FRMD6: variants seen among roughly 807,000 people sequenced by gnomAD.
FRMD6 encodes FERM domain containing 6.
In FRMD6, 37 loss-of-function variants were observed where a neutral mutation model predicts 73.2. That is an observed-to-expected ratio of 0.51 (90% CI 0.39 to 0.66). FRMD6 has a LOEUF of 0.66. Among genes scored for constraint, FRMD6 ranks in the 30% least tolerant of loss-of-function variants. The pLI is 0.00. For missense variants in FRMD6, 714 were observed against 780.5 expected (o/e 0.91, Z 1.02); for synonymous variants, 273 against 282.2 (o/e 0.97, Z 0.33).
the FRMD6 span, among the ~76,000 whole-genome samples, chr14:51,409,340 CTTTTTTTTT>C: frequency 1.8e-4 from 15 of 84,154 alleles, no homozygotes; most frequent in East Asian, 1.1e-3. Flanking sequence ...AAGTTTTTTG[CTTTTTTTTT>C]TTTTTTTTTT....
the FRMD6 span, among the ~76,000 whole-genome samples, chr14:51,481,174 A>C: frequency 6.6e-6 from 1 of 152,230 alleles, no homozygotes; most frequent in Non-Finnish European, 1.5e-5. Context: ...CTTAAAGGTA[A>C]GAGTGAAAAT....
chr14:51,425,094 T>C, the FRMD6 span, among the ~76,000 whole-genome samples: 1 of 152,128 alleles, frequency 6.6e-6, no homozygotes, highest in African/African-American at 2.4e-5. Context: ...CCCAGCCCTT[T>C]CCTCCTTTTG....
chr14:51,516,851 A>T (rs12894854), intron 1 of FRMD6, among the ~76,000 whole-genome samples: 70,082 of 152,048 alleles, frequency 0.46, 17,201 homozygotes, highest in African/African-American at 0.64. Flanking sequence ...AAGATAAATG[A>T]ATTTATAATT....
At chr14:51,528,573 C>A (rs1302150142) in intron 1 of FRMD6, among the ~76,000 whole-genome samples, 2 of 152,080 alleles carry the variant, frequency 1.3e-5, no homozygotes, top group South Asian at 2.1e-4. Flanking sequence ...CAGCTACAAC[C>A]AATGGTTTTA....
At chr14:51,521,459 A>G (rs1276402923) in intron 1 of FRMD6, among the ~76,000 whole-genome samples, 1 of 152,208 alleles carries the variant, frequency 6.6e-6, no homozygotes, top group South Asian at 2.1e-4. Flanking sequence ...ATATAGTGAT[A>G]TATCTCAGAG....
chr14:51,660,197 A>G (rs1267794259), intron 1 of FRMD6, among the ~76,000 whole-genome samples: 8 of 152,214 alleles, frequency 5.3e-5, no homozygotes, highest in Non-Finnish European at 1.0e-4. Context: ...AGTATTCAGG[A>G]CTGTGCTGAA....
chr14:51,628,102 A>C (rs1891183210), intron 2 of FRMD6, among the ~76,000 whole-genome samples: 1 of 152,222 alleles, frequency 6.6e-6, no homozygotes, highest in Non-Finnish European at 1.5e-5. Context: ...TTTTTTTTCC[A>C]AACATTTTTC....
At chr14:51,592,416 C>T (rs1179195778) in intron 2 of FRMD6, among the ~76,000 whole-genome samples, 6 of 152,168 alleles carry the variant, frequency 3.9e-5, no homozygotes, top group Non-Finnish European at 7.4e-5. Flanking sequence ...TATATGTTAT[C>T]CTTCCCATCC....
At chr14:51,468,476 A>G in the FRMD6 span, among the ~76,000 whole-genome samples, 13 of 152,162 alleles carry the variant, frequency 8.5e-5, no homozygotes, top group African/African-American at 3.1e-4. Context: ...TGCTAAATTC[A>G]CTTATTTTTT....
rs78950454 is a variant in FRMD6, at chr14:51,646,518, T to C, written c.-146-43173T>C. Among the ~76,000 whole-genome samples, 646 of 151,986 alleles carry C rather than the reference T, an allele frequency of 4.3e-3. 3 individuals carry two copies. Among genetic ancestry groups the C allele is most frequent in the Admixed American group, 9.0e-3 (138 of 15,270 alleles). On this transcript the variant is annotated intron_variant, in intron 2 of 14. Transcript: ENST00000356218. ...CTTCCTTTCTTCTTGCGTATCCTAA[T>C]GGGAGTGGAGGGAATTGCCTCCCAA...
At chr14:51,680,826 A>G (rs1894744240) in intron 1 of FRMD6, among the ~76,000 whole-genome samples, 1 of 151,966 alleles carries the variant, frequency 6.6e-6, no homozygotes, top group African/African-American at 2.4e-5. Context: ...GATTTTTCTC[A>G]TTTTTTACTT....
Position 51,685,679 on chromosome 14 carries a change from C to T in FRMD6, c.-146-4012C>T, listed in dbSNP as rs1295853011. Among the ~76,000 whole-genome samples the T allele has an allele frequency of 5.3e-5, 8 of 152,128 alleles. No homozygotes were observed. In the South Asian group the frequency reaches 1.5e-3, roughly 28 times the overall value. ...TTAATACTGTTATCCATTATATCTT[C>T]CTTTGAGGTTGGCATGAGAGTTGCC... On this transcript the variant is annotated intron_variant, in intron 1 of 13. Transcript: ENST00000344768.
At chr14:51,656,090 G>A (rs1291028822) in intron 1 of FRMD6, among the ~76,000 whole-genome samples, 1 of 152,198 alleles carries the variant, frequency 6.6e-6, no homozygotes, top group Non-Finnish European at 1.5e-5. Context: ...GTTTTAGGTA[G>A]AAACAAGCAA....
chr14:51,664,086 A>G (rs1594687187), intron 1 of FRMD6, among the ~76,000 whole-genome samples: 1 of 152,198 alleles, frequency 6.6e-6, no homozygotes, highest in East Asian at 1.9e-4. Context: ...AAGGTGAGAC[A>G]TGTGCTTTGA....
At chr14:51,431,112 C>G in the FRMD6 span, among the ~76,000 whole-genome samples, 1 of 152,080 alleles carries the variant, frequency 6.6e-6, no homozygotes, top group Admixed American at 6.5e-5. Flanking sequence ...GTCAAAATGC[C>G]TTAATGGGCA....
intron 1 of FRMD6, among the ~76,000 whole-genome samples, chr14:51,679,555 C>CTTTTTTTTT (rs61250963): frequency 1.7e-4 from 20 of 120,574 alleles, no homozygotes; most frequent in African/African-American, 3.3e-4. Context: ...CATTTGTTTT[C>CTTTTTTTTT]TTTTTTTTTT....
chr14:51,433,690 A>G, the FRMD6 span, among the ~76,000 whole-genome samples: 1 of 152,252 alleles, frequency 6.6e-6, no homozygotes, highest in African/African-American at 2.4e-5. Flanking sequence ...CAGGGTGGAA[A>G]GAATGGGAAA....
At chr14:51,436,207 T>G in the FRMD6 span, 1 of 335,292 alleles carries the variant, frequency 3.0e-6, no homozygotes, top group Non-Finnish European at 5.7e-6. Context: ...ATAGACAGAC[T>G]TAATGAACAA....
intron 2 of FRMD6, among the ~76,000 whole-genome samples, chr14:51,598,867 T>A (rs1266027204): frequency 6.6e-6 from 1 of 152,152 alleles, no homozygotes; most frequent in African/African-American, 2.4e-5. Flanking sequence ...CAAGTGCATG[T>A]GTCTTTTTGG....
Sources: allele counts gnomAD v4.1 joint callset (sites outside exome capture counted in the v4.1 genomes callset), GRCh38; gene constraint gnomAD v4.1.1; transcripts MANE v1.5; gene names NCBI Gene and HGNC (gene_info 2026-07-23, HGNC 2026-07-21).